Variants in KCNK5 observed in about 807,000 individuals in gnomAD.
The protein encoded by KCNK5 is potassium two pore domain channel subfamily K member 5.
KCNK5 carries 18 observed loss-of-function variants against 32.9 expected under a neutral mutation model. That is an observed-to-expected ratio of 0.55 (90% CI 0.38 to 0.81). The LOEUF is 0.81. Among genes scored for constraint, KCNK5 ranks in the 30% least tolerant of loss-of-function variants. KCNK5 has a pLI of 0.00. For synonymous variants in KCNK5, 276 were observed against 275.3 expected (o/e 1.00, Z -0.03); for missense variants, 507 against 651.0 (o/e 0.78, Z 2.41).
chr6:39,211,149 C>T (rs1327961506), intron 1 of KCNK5, among the ~76,000 whole-genome samples: 1 of 152,174 alleles, frequency 6.6e-6, no homozygotes, highest in Non-Finnish European at 1.5e-5. Flanking sequence ...ATCACCTGAT[C>T]AGTGTACATT....
intron 1 of KCNK5, among the ~76,000 whole-genome samples, chr6:39,206,795 C>T (rs541331012): frequency 1.3e-5 from 2 of 152,162 alleles, no homozygotes; most frequent in Non-Finnish European, 2.9e-5. Context: ...CTTAACACTC[C>T]GTATCTGGAA....
Position 39,194,480 on chromosome 6 carries a change from A to C in KCNK5, c.465+114T>G. 7.0e-7 allele frequency: 1 copy of C among 1,436,092 alleles called. No individual in the cohort carries two copies. Among genetic ancestry groups the C allele is most frequent in the Non-Finnish European group, 9.5e-7 (1 of 1,052,952 alleles). 89.0% of individuals were successfully genotyped at this position (1,436,092 alleles called of 1,614,324 possible). On this transcript the variant is annotated intron_variant, in intron 3 of 4. Coordinates refer to ENST00000359534, the MANE Select transcript of KCNK5 (RefSeq NM_003740.4). The surrounding 1 kb of genome is among the most constrained non-coding windows in gnomAD (Gnocchi z 4.7). ...CGGGAGGGCAAGGAGCTCTGAAACT[A>C]TCCTCTTGCCATCTGTCCTTACACC...
At chr6:39,197,742 CATCTACCTTTGCT>C (rs1190714502) in intron 1 of KCNK5, among the ~76,000 whole-genome samples, 1 of 152,232 alleles carries the variant, frequency 6.6e-6, no homozygotes, top group Non-Finnish European at 1.5e-5. Context: ...TCTCCTTTGG[CATCTACCTTTGCT>C]ACCTCAGATA....
intron 1 of KCNK5, among the ~76,000 whole-genome samples, chr6:39,203,917 T>A (rs1771175150): frequency 6.6e-6 from 1 of 152,182 alleles, no homozygotes; most frequent in African/African-American, 2.4e-5. Flanking sequence ...GGTATTTTCC[T>A]CACTGCCTCT....
chr6:39,196,044 G>T, intron 1 of KCNK5, 57 bp from the exon 2 acceptor site: 1 of 1,259,696 alleles, frequency 7.9e-7, no homozygotes, highest in Non-Finnish European at 1.1e-6. Context: ...GATGCTGATT[G>T]ACAGAACTGC....
At chr6:39,223,722 CAG>C (rs1398731266) in intron 1 of KCNK5, among the ~76,000 whole-genome samples, 1 of 152,180 alleles carries the variant, frequency 6.6e-6, no homozygotes, top group Non-Finnish European at 1.5e-5. Context: ...ACACACAGTT[CAG>C]AGGCTGAGCC....
chr6:39,210,726 G>A (rs1426857575), intron 1 of KCNK5, among the ~76,000 whole-genome samples: 1 of 152,192 alleles, frequency 6.6e-6, no homozygotes, highest in Non-Finnish European at 1.5e-5. Flanking sequence ...AGACAGGCAG[G>A]AGTCGGGAAA....
In KCNK5 at chr6:39,190,941, G is replaced by A. The variant is rs1374647823; in HGVS notation, c.1449C>T (p.Tyr483=). 4.0e-6 allele frequency: 6 copies of A among 1,499,028 alleles called. No individual in the cohort carries two copies. Among genetic ancestry groups the A allele is most frequent in the African/African-American group, 1.4e-5 (1 of 71,236 alleles). The allele number at this position is 1,499,028 out of a possible 1,614,324, so 92.9% of individuals were successfully genotyped here. Reference sequence around the variant, plus strand: ...TGTTGTACTCATTCATCAGCTGTTCGTAAGGCACAGAGAGCTCAGACTCAG... The same window carrying A: ...TGTTGTACTCATTCATCAGCTGTTCATAAGGCACAGAGAGCTCAGACTCAG... ...TSTESELSVP[Y]EQLMNEYNKA... is the part of the protein sequence containing the mutation. The change falls in exon 5 of 5, where the codon TAC becomes TAT. Residue 483 remains tyrosine, a synonymous_variant. Coordinates refer to ENST00000359534, the MANE Select transcript of KCNK5 (RefSeq NM_003740.4).
At chr6:39,201,399 G>A (rs1241509735) in intron 1 of KCNK5, among the ~76,000 whole-genome samples, 1 of 152,022 alleles carries the variant, frequency 6.6e-6, no homozygotes, top group Non-Finnish European at 1.5e-5. Flanking sequence ...TTACAGGCAG[G>A]TGCCACCATG....
chr6:39,211,737 G>T (rs933438766), intron 1 of KCNK5, among the ~76,000 whole-genome samples: 4 of 152,164 alleles, frequency 2.6e-5, no homozygotes, highest in African/African-American at 9.7e-5. Flanking sequence ...GCCAACGTGG[G>T]TAGATCACAT....
chr6:39,210,731 G>A (rs1451596701), intron 1 of KCNK5, among the ~76,000 whole-genome samples: 4 of 152,164 alleles, frequency 2.6e-5, no homozygotes, highest in South Asian at 4.1e-4. Flanking sequence ...GGCAGGAGTC[G>A]GGAAAGAGGG....
chr6:39,216,914 G>C (rs902182584), intron 1 of KCNK5, among the ~76,000 whole-genome samples: 13 of 152,010 alleles, frequency 8.6e-5, no homozygotes, highest in Non-Finnish European at 1.9e-4. Context: ...CTGAGGTCAA[G>C]AGTTCGAGAA....
At chr6:39,198,453 T>A (rs964263444) in intron 1 of KCNK5, among the ~76,000 whole-genome samples, 1 of 152,194 alleles carries the variant, frequency 6.6e-6, no homozygotes, top group South Asian at 2.1e-4. Context: ...CACATAGCAA[T>A]GGCAGTATCA....
intron 1 of KCNK5, among the ~76,000 whole-genome samples, chr6:39,211,851 C>A (rs1771347622): frequency 6.6e-6 from 1 of 151,864 alleles, no homozygotes; most frequent in African/African-American, 2.4e-5. Context: ...ATAGTCCCAG[C>A]TACTCTGGAG....
intron 1 of KCNK5, among the ~76,000 whole-genome samples, chr6:39,226,821 C>T (rs1771679969): frequency 2.6e-5 from 4 of 152,152 alleles, no homozygotes; most frequent in African/African-American, 4.8e-5. Flanking sequence ...GGAAGGGACT[C>T]GCCCAGTTGG....
Position 39,205,700 on chromosome 6 carries a change from G to A in KCNK5, c.187-9713C>T, listed in dbSNP as rs568261069. Among the ~76,000 whole-genome samples the A allele has an allele frequency of 8.5e-5, 13 of 152,306 alleles. No individual in the cohort carries two copies. In the South Asian group the frequency reaches 2.3e-3, roughly 27 times the overall value. On this transcript the variant is annotated intron_variant, in intron 1 of 4. Transcript: ENST00000359534. ...GGGACAACAGTGTCAGTAGGGACAG[G>A]AAACAGTTTTAGCTGGGATCCCTTG...
chr6:39,229,236 C>T lies in KCNK5; in HGVS notation c.-125G>A. On this transcript the variant is annotated 5_prime_UTR_variant, in exon 1 of 5. Coordinates refer to ENST00000359534, the MANE Select transcript of KCNK5 (RefSeq NM_003740.4). ...AGCTCCGCATGCGCAGTGCCCGGTA[C>T]TCACCCCCCGCAAGCACCGCTCCCC... 1.0e-6 allele frequency: 1 copy of T among 956,214 alleles called. No homozygotes were observed. Among genetic ancestry groups the T allele is most frequent in the Non-Finnish European group, 1.5e-6 (1 of 651,420 alleles). 59.2% of individuals were successfully genotyped at this position (956,214 alleles called of 1,614,324 possible).
chr6:39,226,830 G>A (rs1281217552), intron 1 of KCNK5, among the ~76,000 whole-genome samples: 1 of 152,118 alleles, frequency 6.6e-6, no homozygotes, highest in African/African-American at 2.4e-5. Flanking sequence ...TCGCCCAGTT[G>A]GGGTTGGTTT....
At chr6:39,201,208 C>T (rs956957262) in intron 1 of KCNK5, among the ~76,000 whole-genome samples, 1 of 151,902 alleles carries the variant, frequency 6.6e-6, no homozygotes, top group African/African-American at 2.4e-5. Flanking sequence ...GGTTCATGGG[C>T]CAACCCTCCT....
Sources: allele counts gnomAD v4.1 joint callset (sites outside exome capture counted in the v4.1 genomes callset), GRCh38; gene constraint gnomAD v4.1.1; non-coding constraint Gnocchi (gnomAD v3.1); transcripts MANE v1.5; gene names NCBI Gene and HGNC (gene_info 2026-07-23, HGNC 2026-07-21).